Variants in PRKCH observed in about 807,000 individuals in gnomAD.
The protein encoded by PRKCH is protein kinase C eta, also known as protein kinase C eta type.
In PRKCH, 28 loss-of-function variants were observed where a neutral mutation model predicts 82.5. That is an observed-to-expected ratio of 0.34 (90% confidence interval 0.25 to 0.47). The LOEUF (loss-of-function observed/expected upper bound fraction) is 0.47. PRKCH is among the 20% of genes least tolerant of loss of function. The probability of loss-of-function intolerance (pLI) is 1.00; values close to 1 mark genes in which losing one functional copy is unlikely to be tolerated. For synonymous variants in PRKCH, 322 were observed against 327.4 expected, an observed-to-expected ratio of 0.98 and a Z score of 0.18; for missense variants, 705 against 881.8, an observed-to-expected ratio of 0.80 and a Z score of 2.54.
At chr14:61,536,705 A>G (rs1450277660) in intron 12 of PRKCH, among the ~76,000 whole-genome samples, 1 of 152,172 alleles carries the variant, frequency 6.6e-6, no homozygotes, top group Non-Finnish European at 1.5e-5. Flanking sequence ...GCGTGATGTC[A>G]GCGAGGGCCT....
chr14:61,381,288 C>T (rs1438055836), intron 1 of PRKCH, among the ~76,000 whole-genome samples: 2 of 152,110 alleles, frequency 1.3e-5, no homozygotes, highest in African/African-American at 4.8e-5. Context: ...AAAGGGTGGA[C>T]CAGTAAAGGC....
At chr14:61,540,984 C>T (rs1450148701) in intron 12 of PRKCH, among the ~76,000 whole-genome samples, 2 of 152,248 alleles carry the variant, frequency 1.3e-5, no homozygotes, top group African/African-American at 4.8e-5. Flanking sequence ...AGCCCCATCC[C>T]ACCCCCAGTG....
In PRKCH at chr14:61,245,281, C is replaced by T. The variant is rs139289739; in HGVS notation, c.-19+57613C>T. Among the ~76,000 whole-genome samples, 159 of 152,336 alleles carry T rather than the reference C, an allele frequency of 1.0e-3. 2 individuals carry two copies. In the East Asian group the frequency reaches 0.024, roughly 23 times the overall value. On this transcript the variant is annotated intron_variant, in intron 1 of 3. Coordinates refer to the PRKCH transcript ENST00000555185. ...AGAAGAGCCCCAGCAGATAGGCAAT[C>T]AGGTAGCCCTAAGATAGGTCGGAAA...
chr14:61,286,397 C>T (rs924370132), intron 1 of PRKCH, among the ~76,000 whole-genome samples: 2 of 152,192 alleles, frequency 1.3e-5, no homozygotes, highest in Admixed American at 1.3e-4. Context: ...TTAACTAGCA[C>T]TGTAAGCACC....
At chr14:61,330,070 A>G (rs934369520) in intron 1 of PRKCH, among the ~76,000 whole-genome samples, 6 of 152,240 alleles carry the variant, frequency 3.9e-5, no homozygotes, top group African/African-American at 9.6e-5. Flanking sequence ...CAGGACACAC[A>G]TGACCCATTC....
chr14:61,438,174 G>A (rs937383367), intron 2 of PRKCH, among the ~76,000 whole-genome samples: 1 of 152,086 alleles, frequency 6.6e-6, no homozygotes, highest in Admixed American at 6.5e-5. Context: ...GGAAGAAGCC[G>A]TCTGCACACC....
chr14:61,382,160 G>A (rs976417470), intron 1 of PRKCH, among the ~76,000 whole-genome samples: 3 of 152,226 alleles, frequency 2.0e-5, no homozygotes, highest in Non-Finnish European at 4.4e-5. Context: ...GCCAGGCACA[G>A]TGGCTCACAC....
At chr14:61,238,564 A>T (rs2140064448) in intron 1 of PRKCH, among the ~76,000 whole-genome samples, 1 of 152,288 alleles carries the variant, frequency 6.6e-6, no homozygotes, top group Non-Finnish European at 1.5e-5. Flanking sequence ...CCACACATTT[A>T]CATTTTATTC....
intron 1 of PRKCH, among the ~76,000 whole-genome samples, chr14:61,332,466 T>C (rs557275400): frequency 6.6e-6 from 1 of 152,370 alleles, no homozygotes; most frequent in South Asian, 2.1e-4. Flanking sequence ...GTGCTTTTAT[T>C]ATGTACTGCC....
At chr14:61,396,078 T>G (rs1728259407) in intron 2 of PRKCH, among the ~76,000 whole-genome samples, 1 of 59,638 alleles carries the variant, frequency 1.7e-5, no homozygotes, top group Non-Finnish European at 4.5e-5. Flanking sequence ...AAACCTTGTT[T>G]CAGAAAAAAA....
At chr14:61,527,060 C>T (rs2042975304) in intron 10 of PRKCH, among the ~76,000 whole-genome samples, 1 of 152,228 alleles carries the variant, frequency 6.6e-6, no homozygotes, top group South Asian at 2.1e-4. Flanking sequence ...GTATGGGTGG[C>T]AACAGGACAA....
intron 2 of PRKCH, among the ~76,000 whole-genome samples, chr14:61,401,751 C>T (rs1481383286): frequency 6.6e-6 from 1 of 152,190 alleles, no homozygotes; most frequent in Non-Finnish European, 1.5e-5. Context: ...TTCTGTGTGA[C>T]AAAATGGGAA....
chr14:61,499,255 A>T (rs1007865069), intron 10 of PRKCH, among the ~76,000 whole-genome samples: 5 of 152,220 alleles, frequency 3.3e-5, no homozygotes, highest in African/African-American at 1.2e-4. Flanking sequence ...TTTGTCTTGC[A>T]AATGTCAAAT....
intron 1 of PRKCH, among the ~76,000 whole-genome samples, chr14:61,386,824 A>G (rs1489747732): frequency 6.6e-6 from 1 of 152,208 alleles, no homozygotes; most frequent in African/African-American, 2.4e-5. Context: ...TTGTTGTCGA[A>G]TATTTGACCT....
At chr14:61,277,018 T>C (rs1029070748) in intron 1 of PRKCH, among the ~76,000 whole-genome samples, 1 of 152,020 alleles carries the variant, frequency 6.6e-6, no homozygotes. Context: ...ACCCCATCTC[T>C]ACTAAAAGTA....
intron 2 of PRKCH, among the ~76,000 whole-genome samples, chr14:61,404,940 A>G (rs767488561): frequency 1.0e-5 from 1 of 98,124 alleles, no homozygotes; most frequent in Non-Finnish European, 2.2e-5. Context: ...TGCTAATGTC[A>G]CTTTCCTCTT....
intron 1 of PRKCH, among the ~76,000 whole-genome samples, chr14:61,203,334 G>A (rs1463804929): frequency 1.3e-5 from 2 of 152,236 alleles, no homozygotes; most frequent in African/African-American, 2.4e-5. Flanking sequence ...GGTGGGGGAC[G>A]TTAGGTCCCC....
intron 1 of PRKCH, among the ~76,000 whole-genome samples, chr14:61,254,890 A>T (rs374717224): frequency 6.6e-6 from 1 of 152,178 alleles, no homozygotes; most frequent in Admixed American, 6.5e-5. Flanking sequence ...TCAGTGCAGC[A>T]TGGCTTCCTC....
chr14:61,524,510 G>A (rs1411283611), intron 10 of PRKCH, among the ~76,000 whole-genome samples: 1 of 152,186 alleles, frequency 6.6e-6, no homozygotes, highest in Non-Finnish European at 1.5e-5. Context: ...GTGTAGCCTT[G>A]TTAAGTTCAG....
Sources: allele counts gnomAD v4.1 joint callset (sites outside exome capture counted in the v4.1 genomes callset), GRCh38; gene constraint gnomAD v4.1.1; transcripts MANE v1.5; gene names NCBI Gene and HGNC (gene_info 2026-07-23, HGNC 2026-07-21).